CDK5RAP2: variants seen among roughly 807,000 people sequenced by gnomAD.
CDK5RAP2 encodes the protein CDK5 regulatory subunit associated protein 2.
CDK5RAP2 carries 147 observed loss-of-function variants against 232.9 expected under a neutral mutation model. That is an observed-to-expected ratio of 0.63 (90% CI 0.55 to 0.72). The LOEUF (loss-of-function observed/expected upper bound fraction) is 0.72. Among genes scored for constraint, CDK5RAP2 ranks in the 30% least tolerant of loss-of-function variants. CDK5RAP2 has a pLI of 0.00. For synonymous variants in CDK5RAP2, 833 were observed against 833.7 expected (o/e 1.00, Z 0.01); for missense variants, 2,195 against 2,231.5 (o/e 0.98, Z 0.33).
At chr9:120,547,616 T>A (rs1253635806) in intron 4 of CDK5RAP2, among the ~76,000 whole-genome samples, 3 of 151,566 alleles carry the variant, frequency 2.0e-5, no homozygotes, top group Admixed American at 6.6e-5. Flanking sequence ...AAAAAAAAAA[T>A]CATTTCCAGT....
intron 13 of CDK5RAP2, among the ~76,000 whole-genome samples, chr9:120,488,941 G>T (rs1684618764): frequency 6.6e-6 from 1 of 152,202 alleles, no homozygotes; most frequent in South Asian, 2.1e-4. Context: ...CTACTTTGTG[G>T]AACCCATGTC....
chr9:120,403,928 A>C lies in CDK5RAP2; in HGVS notation c.5041+108T>G. On this transcript the variant is annotated intron_variant, in intron 33 of 37. Coordinates refer to ENST00000349780, the MANE Select transcript of CDK5RAP2 (RefSeq NM_018249.6). This position sits in a 1 kb window ranked among gnomAD's most constrained non-coding sequence, Gnocchi z 4.2. The stretch of plus-strand genomic sequence containing the variant: ...TGAGAACTTGAAATCCCAAATCCTT[A>C]CCAAATACCCTCCTGAGTTGGGACC... 2 of 778,216 alleles carry C rather than the reference A, an allele frequency of 2.6e-6. No homozygotes were observed. Among genetic ancestry groups the C allele is most frequent in the Non-Finnish European group, 4.6e-6 (2 of 434,110 alleles). The allele number at this position is 778,216 out of a possible 1,614,324, so 48.2% of individuals were successfully genotyped here. A position where few individuals can be genotyped will look rare whatever the true frequency, so the allele number is the denominator to read the frequency against.
intron 25 of CDK5RAP2, among the ~76,000 whole-genome samples, chr9:120,433,787 T>C (rs1292939992): frequency 2.6e-5 from 4 of 152,332 alleles, no homozygotes; most frequent in African/African-American, 9.6e-5. Context: ...ATCCCAGCTC[T>C]GCCATTCACT....
rs955877960 is a variant in CDK5RAP2, at chr9:120,478,458, T to G, written c.1627-1008A>C. ...ATGAATAAATTCCAGAGATGTAATA[T>G]ACAGCATGATGACTATATGTAACAA... On this transcript the variant is annotated intron_variant, in intron 14 of 37. Coordinates refer to ENST00000349780, the MANE Select transcript of CDK5RAP2 (RefSeq NM_018249.6). Among the ~76,000 whole-genome samples, 7 of 152,114 alleles carry G rather than the reference T, an allele frequency of 4.6e-5. No homozygotes were observed. The East Asian group carries it at 1.3e-3, about 29-fold the overall frequency.
At chr9:120,450,264 A>T (rs1169113771) in intron 21 of CDK5RAP2, among the ~76,000 whole-genome samples, 1 of 152,256 alleles carries the variant, frequency 6.6e-6, no homozygotes, top group African/African-American at 2.4e-5. Context: ...CAAAAACCAC[A>T]TATGACATGA....
At chr9:120,576,506 A>G (rs2043036773) in intron 1 of CDK5RAP2, among the ~76,000 whole-genome samples, 1 of 152,214 alleles carries the variant, frequency 6.6e-6, no homozygotes, top group Non-Finnish European at 1.5e-5. Context: ...GTTCGACACC[A>G]GCCTGGCCAA....
chr9:120,407,104 G>A lies in CDK5RAP2; in HGVS notation c.4871C>T (p.Ala1624Val). 1 of 1,614,068 alleles carries A rather than the reference G, an allele frequency of 6.2e-7. No homozygotes were observed. The highest frequency in any genetic ancestry group is 8.5e-7 in the Non-Finnish European group (1 of 1,180,034). Residue 1624 changes from alanine to valine, a missense_variant, in exon 32 of 38, where the codon GCA becomes GTA. Coordinates refer to ENST00000349780, the MANE Select transcript of CDK5RAP2 (RefSeq NM_018249.6). ...TLQSRLKEQL[A>V]RGAEKAQEGA... The stretch of plus-strand genomic sequence containing the variant: ...TTCCTGTGCCTTCTCTGCCCCCCTT[G>A]CCAGCTGTTCCTTGAGCCTGCTCTG...
intron 14 of CDK5RAP2, among the ~76,000 whole-genome samples, chr9:120,484,889 ATT>A (rs879724982): frequency 7.0e-5 from 10 of 143,622 alleles, no homozygotes; most frequent in African/African-American, 2.3e-4. Context: ...TAATTTTAAT[ATT>A]TTTTTTTTTT....
At chr9:120,425,933 C>T (rs1222512525) in intron 25 of CDK5RAP2, among the ~76,000 whole-genome samples, 9 of 152,138 alleles carry the variant, frequency 5.9e-5, no homozygotes, top group African/African-American at 9.7e-5. Context: ...GATAAGGGGC[C>T]GCAACAGATG....
chr9:120,389,861 G>A, intron 36 of CDK5RAP2, 74 bp from the exon 37 acceptor site: 7 of 1,417,314 alleles, frequency 4.9e-6, no homozygotes, highest in Non-Finnish European at 7.0e-6. Context: ...CCAAGTGCAG[G>A]GAGGATGAAC....
chr9:120,431,370 G>A (rs1399451171), intron 25 of CDK5RAP2, among the ~76,000 whole-genome samples: 1 of 152,154 alleles, frequency 6.6e-6, no homozygotes, highest in East Asian at 1.9e-4. Flanking sequence ...GAACTACATG[G>A]ACTCAAATTC....
intron 3 of CDK5RAP2, among the ~76,000 whole-genome samples, chr9:120,557,190 C>CT (rs2042261540): frequency 6.6e-6 from 1 of 152,212 alleles, no homozygotes; most frequent in African/African-American, 2.4e-5. Flanking sequence ...CAAGCACCAT[C>CT]TTTTCCACCA....
At chr9:120,486,443 T>A (rs2038608268) in intron 14 of CDK5RAP2, among the ~76,000 whole-genome samples, 1 of 150,646 alleles carries the variant, frequency 6.6e-6, no homozygotes, top group Non-Finnish European at 1.5e-5. Flanking sequence ...TGGCCTACAG[T>A]TAATTCTTTT....
intron 18 of CDK5RAP2, among the ~76,000 whole-genome samples, chr9:120,466,922 T>A (rs1262712470): frequency 6.6e-6 from 1 of 152,224 alleles, no homozygotes; most frequent in Non-Finnish European, 1.5e-5. Flanking sequence ...TCCAGTTTCA[T>A]ACGTGAGGGA....
At chr9:120,538,180 C>T (rs1057278730) in intron 6 of CDK5RAP2, among the ~76,000 whole-genome samples, 1 of 152,130 alleles carries the variant, frequency 6.6e-6, no homozygotes, top group Non-Finnish European at 1.5e-5. Context: ...AGCTACATAA[C>T]CCCAAGACGA....
chr9:120,492,154 T>C (rs879852917), intron 12 of CDK5RAP2, among the ~76,000 whole-genome samples: 1 of 152,070 alleles, frequency 6.6e-6, no homozygotes, highest in Admixed American at 6.5e-5. Context: ...CTATTTGCAA[T>C]ACTGAAGCAC....
At chr9:120,500,709 C>T (rs1277271048) in intron 12 of CDK5RAP2, among the ~76,000 whole-genome samples, 1 of 152,194 alleles carries the variant, frequency 6.6e-6, no homozygotes, top group Admixed American at 6.5e-5. Context: ...CACACATAAG[C>T]TCATTTTCCC....
At chr9:120,522,020 A>ACT (rs1368143763) in intron 11 of CDK5RAP2, among the ~76,000 whole-genome samples, 3 of 152,274 alleles carry the variant, frequency 2.0e-5, no homozygotes, top group African/African-American at 7.2e-5. Flanking sequence ...AATACAGTTA[A>ACT]CAAGAGCAGA....
chr9:120,394,039 C>A (rs2032237512), intron 36 of CDK5RAP2, among the ~76,000 whole-genome samples: 1 of 152,196 alleles, frequency 6.6e-6, no homozygotes, highest in African/African-American at 2.4e-5. Flanking sequence ...GCCTTTACCC[C>A]ACAGGGACTG....
Sources: allele counts gnomAD v4.1 joint callset (sites outside exome capture counted in the v4.1 genomes callset), GRCh38; gene constraint gnomAD v4.1.1; non-coding constraint Gnocchi (gnomAD v3.1); transcripts MANE v1.5; gene names NCBI Gene and HGNC (gene_info 2026-07-23, HGNC 2026-07-21).